LGSN: variants seen among roughly 807,000 people sequenced by gnomAD.
LGSN encodes the protein lengsin, lens protein with glutamine synthetase domain.
In LGSN, 21 loss-of-function variants were observed where a neutral mutation model predicts 19.5. The observed-to-expected ratio is 1.07, with a 90% confidence interval of 0.76 to 1.55. The LOEUF (loss-of-function observed/expected upper bound fraction) is 1.55, where lower values mean the gene tolerates loss of function less well. Among genes scored for constraint, LGSN ranks in the 40% most tolerant of loss-of-function variants. The pLI is 0.00. For missense variants in LGSN, 673 were observed against 608.5 expected (o/e 1.11, Z -1.12); for synonymous variants, 257 against 215.6 (o/e 1.19, Z -1.68).
At chr6:63,498,971 C>T in the LGSN span, among the ~76,000 whole-genome samples, 4 of 152,184 alleles carry the variant, frequency 2.6e-5, no homozygotes, top group Middle Eastern at 3.4e-3. Flanking sequence ...ACCTAAAGCA[C>T]GTACTTTTTA....
chr6:63,543,087 G>A, the LGSN span, among the ~76,000 whole-genome samples: 2 of 152,032 alleles, frequency 1.3e-5, no homozygotes, highest in Non-Finnish European at 2.9e-5. Context: ...ACCTTCTCCT[G>A]GCTGGATTAT....
the LGSN span, among the ~76,000 whole-genome samples, chr6:63,477,142 G>T: frequency 6.6e-6 from 1 of 152,218 alleles, no homozygotes; most frequent in African/African-American, 2.4e-5. Context: ...CCATTTTAGA[G>T]TTAAAATTTA....
At chr6:63,444,037 A>G in the LGSN span, among the ~76,000 whole-genome samples, 1 of 152,216 alleles carries the variant, frequency 6.6e-6, no homozygotes, top group South Asian at 2.1e-4. Context: ...AACTAATAGC[A>G]GTTAACCAAC....
chr6:63,524,064 C>T, the LGSN span, among the ~76,000 whole-genome samples: 3 of 152,078 alleles, frequency 2.0e-5, no homozygotes, highest in Non-Finnish European at 2.9e-5. Flanking sequence ...TCACTGCAAC[C>T]TTTGCCTCCC....
chr6:63,281,190 G>A lies in LGSN; in HGVS notation c.361C>T (p.Arg121Ter), dbSNP rs369881450. Residue 121 changes from arginine to a stop codon, truncating the protein, a stop_gained, in exon 4 of 4, where the codon CGA becomes TGA. Transcript: ENST00000370657. LOFTEE classifies it low-confidence loss of function (END_TRUNC). ...TTTGGTATCACTTCAAGATAACCTCGGGGCATGCAAACACCATGGCTCACT... is the reference window on the plus strand; with the variant it reads ...TTTGGTATCACTTCAAGATAACCTCAGGGCATGCAAACACCATGGCTCACT... ...EKVSHGVCMP[R>*]GYLEVIPNPK... The A allele has an allele frequency of 1.5e-5, 24 of 1,603,268 alleles. No homozygotes were observed. In the East Asian group the frequency reaches 2.9e-4, roughly 19 times the overall value.
intron 1 of LGSN, among the ~76,000 whole-genome samples, chr6:63,300,345 G>T (rs1008384110): frequency 1.6e-4 from 24 of 152,300 alleles, no homozygotes; most frequent in African/African-American, 5.1e-4. Context: ...ATTATTTTCA[G>T]AAACTTAAAA....
the LGSN span, among the ~76,000 whole-genome samples, chr6:63,454,793 C>CTTTTTTTTT: frequency 7.2e-3 from 661 of 91,566 alleles, 3 homozygotes; most frequent in Non-Finnish European, 9.1e-3. Flanking sequence ...TTTTCTTTTT[C>CTTTTTTTTT]TTTTTTTTTT....
Position 63,285,667 on chromosome 6 carries a change from G to T in LGSN, c.250C>A (p.Arg84Ser). The change falls in exon 3 of 4, where the codon CGC becomes AGC. Residue 84 changes from arginine to serine, a missense_variant. Transcript: ENST00000370657. ...KHIRQAMAKN[R>S]LQFVRFEATD... ...GCTTCAAATCGTACAAACTGGAGGC[G>T]ATTTTTGGCCATGGCTTGTCTAATG... is the stretch of plus-strand genomic sequence containing the variant. 6.2e-7 allele frequency: 1 copy of T among 1,613,972 alleles called. No homozygotes were observed.
the LGSN span, among the ~76,000 whole-genome samples, chr6:63,356,891 T>C: frequency 6.6e-6 from 1 of 152,140 alleles, no homozygotes; most frequent in African/African-American, 2.4e-5. Flanking sequence ...GCAGGTTTGT[T>C]ACATATATAT....
At chr6:63,465,048 C>T in the LGSN span, among the ~76,000 whole-genome samples, 4 of 151,156 alleles carry the variant, frequency 2.6e-5, no homozygotes, top group African/African-American at 9.7e-5. Flanking sequence ...AAAAAACTTC[C>T]TAATTATTTT....
At chr6:63,395,123 G>T in the LGSN span, 1 of 153,248 alleles carries the variant, frequency 6.5e-6, no homozygotes, top group South Asian at 1.9e-4. Flanking sequence ...TGTGACCTTG[G>T]GGAAAGGTAG....
intron 1 of LGSN, 123 bp downstream of exon 1, chr6:63,319,791 T>C (rs559640735): frequency 1.4e-6 from 1 of 712,710 alleles, no homozygotes; most frequent in South Asian, 1.5e-5. Flanking sequence ...TTCTCCTGAG[T>C]GGACATATAA....
chr6:63,329,084 A>C, the LGSN span, among the ~76,000 whole-genome samples: 1 of 152,224 alleles, frequency 6.6e-6, no homozygotes, highest in African/African-American at 2.4e-5. Context: ...AAAGTTCAAC[A>C]GATCTAGAAT....
chr6:63,485,493 T>C, the LGSN span, among the ~76,000 whole-genome samples: 1 of 152,232 alleles, frequency 6.6e-6, no homozygotes, highest in African/African-American at 2.4e-5. Context: ...TTGCAATGAA[T>C]ATATGCGTAC....
At chr6:63,424,599 A>G in the LGSN span, among the ~76,000 whole-genome samples, 1 of 152,082 alleles carries the variant, frequency 6.6e-6, no homozygotes, top group African/African-American at 2.4e-5. Context: ...GAAAGGACTA[A>G]TAACTAGAAT....
chr6:63,563,379 C>T, the LGSN span, among the ~76,000 whole-genome samples: 2 of 152,158 alleles, frequency 1.3e-5, no homozygotes, highest in East Asian at 3.9e-4. Context: ...ACCAACCAAA[C>T]TCCCACCTGA....
the LGSN span, among the ~76,000 whole-genome samples, chr6:63,372,543 A>C: frequency 6.6e-6 from 1 of 152,246 alleles, no homozygotes; most frequent in African/African-American, 2.4e-5. Context: ...CTAAATAGCA[A>C]AGAATTTATT....
At chr6:63,360,353 T>C in the LGSN span, among the ~76,000 whole-genome samples, 5 of 152,014 alleles carry the variant, frequency 3.3e-5, no homozygotes, top group African/African-American at 1.2e-4. Flanking sequence ...GGAGGCTTTG[T>C]TTGTTTCTTT....
chr6:63,382,978 T>C, the LGSN span, among the ~76,000 whole-genome samples: 4 of 152,158 alleles, frequency 2.6e-5, no homozygotes, highest in African/African-American at 9.7e-5. Context: ...TCTTTCTAAG[T>C]TTATGTAAGA....
Sources: gnomAD v4.1 joint callset for allele counts (sites outside exome capture counted in the v4.1 genomes callset) on GRCh38, gnomAD v4.1.1 for gene constraint, MANE v1.5 for transcripts, NCBI Gene and HGNC (gene_info 2026-07-23, HGNC 2026-07-21) for gene names.